Variants in MGAM observed in about 807,000 individuals in gnomAD.
The protein encoded by MGAM is maltase-glucoamylase.
Under a neutral mutation model 358.8 loss-of-function variants are expected in MGAM, and 253 were observed. That is an observed-to-expected ratio of 0.71 (90% CI 0.64 to 0.78). The LOEUF (loss-of-function observed/expected upper bound fraction) is 0.78. MGAM is among the 30% of genes least tolerant of loss of function. MGAM has a pLI of 0.00. For synonymous variants in MGAM, 1,105 were observed against 1,227.1 expected (o/e 0.90, Z 2.08); for missense variants, 3,080 against 3,432.6 (o/e 0.90, Z 2.57).
At chr7:142,072,821 G>C (rs1813449425) in intron 44 of MGAM, among the ~76,000 whole-genome samples, 1 of 146,322 alleles carries the variant, frequency 6.8e-6, no homozygotes, top group African/African-American at 2.4e-5. Context: ...TTCACATTCT[G>C]TACCTTGGAT....
At chr7:142,079,705 C>T (rs1814073926) in intron 49 of MGAM, among the ~76,000 whole-genome samples, 1 of 146,248 alleles carries the variant, frequency 6.8e-6, no homozygotes, top group Non-Finnish European at 1.5e-5. Context: ...CTTCTGAAGT[C>T]TAATACAGAG....
rs796211408 is a variant in MGAM, at chr7:142,043,966, A to G, written c.2498+3120A>G. Among the ~76,000 whole-genome samples the G allele has an allele frequency of 3.9e-3, 190 of 48,672 alleles. 6 individuals are homozygous for G. Among genetic ancestry groups the G allele is most frequent in the Middle Eastern group, 0.031 (1 of 32 alleles). The allele number at this position is 48,672 out of a possible 152,430, so 31.9% of individuals were successfully genotyped here. On this transcript the variant is annotated intron_variant, in intron 21 of 70. Coordinates refer to ENST00000475668, the MANE Select transcript of MGAM (RefSeq NM_001365693.1). ...GACGTTTAATATATACATTATATAC[A>G]CATACGACGTATAATATATACATTA...
chr7:142,086,005 A>C, intron 55 of MGAM, 44 bp downstream of exon 55: 1 of 1,541,582 alleles, frequency 6.5e-7, no homozygotes. Flanking sequence ...GGGAGCAGGT[A>C]TGGGTTTTGT....
intron 43 of MGAM, among the ~76,000 whole-genome samples, chr7:142,070,667 C>T (rs2129047498): frequency 6.9e-6 from 1 of 145,932 alleles, no homozygotes; most frequent in African/African-American, 2.4e-5. Flanking sequence ...CTGAAAAGCC[C>T]TGCTCTAGTT....
chr7:142,032,444 GCTCT>G (rs1381670474), intron 13 of MGAM, among the ~76,000 whole-genome samples: 1 of 151,786 alleles, frequency 6.6e-6, no homozygotes. Flanking sequence ...ACCTTTATGT[GCTCT>G]CTCTCTCCTT....
At chr7:142,091,355 T>C (rs1307879582) in intron 57 of MGAM, among the ~76,000 whole-genome samples, 1 of 146,104 alleles carries the variant, frequency 6.8e-6, no homozygotes, top group Non-Finnish European at 1.5e-5. Context: ...GAAGTTGAAA[T>C]GTCCTCTTTA....
rs140668614 is a variant in MGAM at position 142,080,994 on chromosome 7, G to A, written c.6002+49G>A. The A allele has an allele frequency of 8.3e-3, 12,025 of 1,441,660 alleles. 1,554 individuals carry two copies. The South Asian group carries it at 0.087, about 10-fold the overall frequency. The allele number at this position is 1,441,660 out of a possible 1,614,324, so 89.3% of individuals were successfully genotyped here. ...AGAGTTGATGGCTACCTGCGCCTTC[G>A]CTGCCAGGTCCATTGTCCTTGGATG... On this transcript the variant is annotated intron_variant, in intron 50 of 70. Transcript: ENST00000475668.
intron 43 of MGAM, among the ~76,000 whole-genome samples, chr7:142,070,059 G>A (rs1272943261): frequency 1.4e-5 from 2 of 144,558 alleles, no homozygotes; most frequent in South Asian, 4.5e-4. Context: ...CGGGTGTAGG[G>A]GCATGCACCT....
Position 142,103,289 on chromosome 7 carries a change from A to G in MGAM, c.8034A>G (p.Ile2678Met), listed in dbSNP as rs1335338094. 1 of 1,608,364 alleles carries G rather than the reference A, an allele frequency of 6.2e-7. No individual in the cohort carries two copies. The highest frequency in any genetic ancestry group is 1.1e-5 in the South Asian group (1 of 89,840). ...AACAGAATACGATGCAAAGCCATATAATTTTCAACAATTACATCACTGGTA... is the reference window on the plus strand; with the variant it reads ...AACAGAATACGATGCAAAGCCATATGATTTTCAACAATTACATCACTGGTA... ...SASQNTMQSH[I>M]IFNNYITGTN... Residue 2678 changes from isoleucine (I) to methionine (M), a missense_variant, in exon 70 of 71, where the codon ATA becomes ATG. Physicochemically the swap from Ile to Met is conservative, Grantham distance 10. Transcript: ENST00000475668.
At chr7:142,005,507 A>G in intron 1 of MGAM, 22 bp from the exon 2 acceptor site, 1 of 1,472,370 alleles carries the variant, frequency 6.8e-7, no homozygotes, top group South Asian at 1.3e-5. Context: ...CAAATCTAAA[A>G]TTGTTTTCTC....
intron 23 of MGAM, 93 bp from the exon 24 acceptor site, chr7:142,050,604 G>GGGTAT (rs1378686146): frequency 7.8e-7 from 1 of 1,288,422 alleles, no homozygotes; most frequent in Non-Finnish European, 1.1e-6. Context: ...TGGCAGTGGG[G>GGGTAT]GGTATCCGGT....
Position 142,076,802 on chromosome 7 carries a change from A to G in MGAM, c.5469A>G (p.Thr1823=). 6.4e-7 allele frequency: 1 copy of G among 1,555,110 alleles called. No homozygotes were observed. The highest frequency in any genetic ancestry group is 8.8e-7 in the Non-Finnish European group (1 of 1,131,538). ...GTGTCCCAAGTCAGACTTCTCCTACAGTCACTTATGATTCTAACCTGAAGG... is the reference window on the plus strand; with the variant it reads ...GTGTCCCAAGTCAGACTTCTCCTACGGTCACTTATGATTCTAACCTGAAGG... ...HNGVPSQTSP[T]VTYDSNLKVA... The change falls in exon 47 of 71, where the codon ACA becomes ACG. Residue 1823 remains threonine, a synonymous_variant. Coordinates refer to ENST00000475668, the MANE Select transcript of MGAM (RefSeq NM_001365693.1).
At chr7:142,061,603 C>T (rs868619148) in intron 34 of MGAM, among the ~76,000 whole-genome samples, 2 of 152,160 alleles carry the variant, frequency 1.3e-5, no homozygotes, top group Admixed American at 6.5e-5. Flanking sequence ...CTCCCCTAGA[C>T]CAAGTCCTGT....
chr7:141,987,225 G>C (rs916104957), intron 2 of MGAM, among the ~76,000 whole-genome samples: 7 of 152,138 alleles, frequency 4.6e-5, no homozygotes, highest in Non-Finnish European at 1.0e-4. Flanking sequence ...AAATTAACTT[G>C]TACCTTGGCC....
intron 21 of MGAM, among the ~76,000 whole-genome samples, chr7:142,041,748 T>C (rs1182442031): frequency 1.3e-5 from 2 of 148,686 alleles, no homozygotes; most frequent in Non-Finnish European, 3.0e-5. Context: ...TCCAACATTC[T>C]TTGCCTGGTG....
rs1806531011 is a variant in MGAM at position 142,022,248 on chromosome 7, T to C, written c.711-20T>C. The stretch of plus-strand genomic sequence containing the variant: ...CACCCTGCTTGCTCACCCATCCTTG[T>C]GTTCTCCACCTGTGTCTAGGTTTGA... On this transcript the variant is annotated intron_variant, in intron 6 of 70. Transcript: ENST00000475668. 3 of 1,585,146 alleles carry C rather than the reference T, an allele frequency of 1.9e-6. No homozygotes were observed. The highest frequency in any genetic ancestry group is 4.5e-5 in the East Asian group (2 of 44,108).
chr7:142,020,603 A>ATATT (rs374028790), intron 4 of MGAM, among the ~76,000 whole-genome samples: 10 of 132,620 alleles, frequency 7.5e-5, no homozygotes, highest in African/African-American at 2.3e-4. Context: ...ATATATATAT[A>ATATT]TTTTTTTTTT....
chr7:142,105,276 G>A (rs755609072), intron 70 of MGAM, among the ~76,000 whole-genome samples: 2 of 148,928 alleles, frequency 1.3e-5, no homozygotes, highest in Non-Finnish European at 3.0e-5. Context: ...TTTCTCTTCA[G>A]CGGTTGCATA....
chr7:142,060,261 G>C, intron 33 of MGAM, 50 bp from the exon 34 acceptor site: 1 of 1,595,044 alleles, frequency 6.3e-7, no homozygotes, highest in Non-Finnish European at 8.6e-7. Flanking sequence ...GAAATACTAT[G>C]TAAGGGAAAT....
Sources: allele counts gnomAD v4.1 joint callset (sites outside exome capture counted in the v4.1 genomes callset), GRCh38; gene constraint gnomAD v4.1.1; transcripts MANE v1.5; gene names NCBI Gene and HGNC (gene_info 2026-07-23, HGNC 2026-07-21).